Variants in LPIN1 observed in about 807,000 individuals in gnomAD.
The protein encoded by LPIN1 is lipin 1.
A neutral mutation model predicts 107.5 loss-of-function variants in LPIN1; 71 were observed. The ratio of observed to expected loss-of-function variants is 0.66; its 90% CI spans 0.55 to 0.80. The LOEUF (loss-of-function observed/expected upper bound fraction) is 0.80, where lower values mean the gene tolerates loss of function less well. Among genes scored for constraint, LPIN1 ranks in the 30% least tolerant of loss-of-function variants. The probability of loss-of-function intolerance (pLI) is 0.00; values close to 1 mark genes in which losing one functional copy is unlikely to be tolerated. For synonymous variants in LPIN1, 445 were observed against 452.6 expected, an observed-to-expected ratio of 0.98 and a Z score of 0.21; for missense variants, 1,043 against 1,160.6, an observed-to-expected ratio of 0.90 and a Z score of 1.47.
chr2:11,805,587 C>G, intron 17 of LPIN1: 1 of 316,742 alleles, frequency 3.2e-6, no homozygotes, highest in East Asian at 8.0e-5. Context: ...AGCCAACCAG[C>G]AGGGCACATC....
intron 1 of LPIN1, among the ~76,000 whole-genome samples, chr2:11,695,861 A>T (rs1174795453): frequency 6.6e-6 from 1 of 152,084 alleles, no homozygotes; most frequent in Non-Finnish European, 1.5e-5. Context: ...GACCTAGTGC[A>T]GGAGCTCAGT....
intron 2 of LPIN1, among the ~76,000 whole-genome samples, chr2:11,718,792 G>A (rs369187864): frequency 3.9e-5 from 6 of 152,130 alleles, no homozygotes; most frequent in African/African-American, 1.2e-4. Flanking sequence ...TGAGGTAGCC[G>A]TTTTTCATTC....
In LPIN1 at chr2:11,678,418, G is replaced by A. The variant is rs566028306; in HGVS notation, c.81+690G>A. On this transcript the variant is annotated intron_variant, in intron 1 of 21. Coordinates refer to the LPIN1 transcript ENST00000449576. ...CTGCAGTTTCTTCCAGAGGCCAGGGGGTTGGGCTGCAGTGAGGATAATGTG... is the reference window on the plus strand; with the variant it reads ...CTGCAGTTTCTTCCAGAGGCCAGGGAGTTGGGCTGCAGTGAGGATAATGTG... Among the ~76,000 whole-genome samples, 30 of 152,342 alleles carry A rather than the reference G, an allele frequency of 2.0e-4. 1 individual carries two copies. In the South Asian group the frequency reaches 5.8e-3, roughly 29 times the overall value.
chr2:11,791,621 A>G (rs928618270), intron 12 of LPIN1: 2 of 1,248,404 alleles, frequency 1.6e-6, no homozygotes, highest in Non-Finnish European at 2.1e-6. Context: ...ACTAATCACT[A>G]ATGATTTCTA....
chr2:11,739,590 C>T (rs1016517081), intron 1 of LPIN1, among the ~76,000 whole-genome samples: 3 of 152,174 alleles, frequency 2.0e-5, no homozygotes, highest in Non-Finnish European at 4.4e-5. Context: ...TGTTGAACAT[C>T]AAGGCTCAAA....
upstream of LPIN1, chr2:11,724,252 C>G (rs1370018708): frequency 3.9e-5 from 30 of 775,938 alleles, no homozygotes; most frequent in Non-Finnish European, 4.7e-5. Flanking sequence ...CCTCTGAACA[C>G]CACCAAATGC....
At chr2:11,683,913 T>C (rs4233898) in intron 1 of LPIN1, among the ~76,000 whole-genome samples, 2 of 152,226 alleles carry the variant, frequency 1.3e-5, no homozygotes, top group African/African-American at 2.4e-5. Context: ...CCCTGGGCTC[T>C]TCATCTTTAA....
intron 17 of LPIN1, among the ~76,000 whole-genome samples, chr2:11,806,072 G>A (rs1051114645): frequency 1.3e-5 from 2 of 152,196 alleles, no homozygotes; most frequent in Admixed American, 6.5e-5. Flanking sequence ...AGGACAGTGC[G>A]GTCTCTCCGT....
intron 1 of LPIN1, among the ~76,000 whole-genome samples, chr2:11,693,203 A>T (rs1411009311): frequency 6.7e-5 from 9 of 135,226 alleles, no homozygotes; most frequent in Non-Finnish European, 1.1e-4. Context: ...CCTGAACAAC[A>T]TTTTTTTTTT....
In LPIN1 at chr2:11,679,142, G is replaced by A. The variant is rs150293210; in HGVS notation, c.81+1414G>A. Reference sequence around the variant, plus strand: ...CTGAGACGCAGGTGTTATTATCATGGCATCTCTCTCACACAAGCCTGGCAG... The same window carrying A: ...CTGAGACGCAGGTGTTATTATCATGACATCTCTCTCACACAAGCCTGGCAG... On this transcript the variant is annotated intron_variant, in intron 1 of 21. Transcript: ENST00000449576. Among the ~76,000 whole-genome samples the A allele has an allele frequency of 9.1e-4, 138 of 152,292 alleles. 5 individuals are homozygous for A. The East Asian group carries it at 0.021, about 23-fold the overall frequency.
rs774965474 is a variant in LPIN1 at position 11,767,823 on chromosome 2, G to T, written c.253G>T (p.Glu85Ter). Reference protein sequence around the residue: ...DLHMKLGDNGEAFFVQETDND... With the variant: ...DLHMKLGDNG ...GCATATGAAATTGGGAGATAATGGA[G>T]AAGCATTTTTTGTTCAAGAAACAGA... is the stretch of plus-strand genomic sequence containing the variant. The change falls in exon 3 of 21, where the codon GAA becomes TAA. Residue 85 changes from glutamate to a stop codon, truncating the protein, a stop_gained. Transcript: ENST00000674199. LOFTEE classifies it high-confidence loss of function. 1.5e-5 allele frequency: 24 copies of T among 1,613,068 alleles called. No individual in the cohort carries two copies. The highest frequency in any genetic ancestry group is 2.0e-5 in the Non-Finnish European group (23 of 1,179,098).
At chr2:11,704,459 C>T (rs1663030832) in intron 1 of LPIN1, among the ~76,000 whole-genome samples, 1 of 152,150 alleles carries the variant, frequency 6.6e-6, no homozygotes, top group Non-Finnish European at 1.5e-5. Context: ...GGATATGAGG[C>T]TTGGGTAGCA....
intron 11 of LPIN1, among the ~76,000 whole-genome samples, chr2:11,787,582 T>C (rs1674856733): frequency 6.6e-6 from 1 of 152,038 alleles, no homozygotes. Flanking sequence ...TCTTATTGAA[T>C]GTGAATAGTC....
intron 1 of LPIN1, among the ~76,000 whole-genome samples, chr2:11,756,475 GC>G (rs1668707720): frequency 6.6e-6 from 1 of 152,058 alleles, no homozygotes; most frequent in African/African-American, 2.4e-5. Context: ...TGCAACCTCT[GC>G]CTCCTGGGTT....
chr2:11,709,735 T>C lies in LPIN1; in HGVS notation c.82-4021T>C, dbSNP rs773859098. ...AACGTTGGACAACCCATTTGTAAAC[T>C]GGGAGCAGCCCACGACTTTGAGCCT... On this transcript the variant is annotated intron_variant, in intron 1 of 21. Transcript: ENST00000449576. 2.0e-5 allele frequency among the ~76,000 whole-genome samples: 3 copies of C among 152,252 alleles called. No individual in the cohort carries two copies. In the South Asian group the frequency reaches 6.2e-4, roughly 32 times the overall value.
chr2:11,717,078 G>A (rs757274796), intron 2 of LPIN1, among the ~76,000 whole-genome samples: 30 of 152,118 alleles, frequency 2.0e-4, no homozygotes, highest in Admixed American at 3.3e-4. Context: ...ATGTTTTGTC[G>A]GGGGAGGAAG....
In LPIN1 at chr2:11,773,741, C is replaced by T; in HGVS notation, c.718C>T (p.Pro240Ser). Residue 240 changes from proline (P) to serine (S), a missense_variant, in exon 5 of 21, where the codon CCC becomes TCC. By Grantham distance (74) the Pro-to-Ser change is moderately conservative (BLOSUM62 -1). Coordinates refer to ENST00000674199, the MANE Select transcript of LPIN1 (RefSeq NM_001349206.2). ...TTCGGATAGAGAGTGGTCACCCACT[C>T]CCAGGTAAGCTGTTCCCTGTTCCCC... ...PNSDREWSPT[P>S]SSLVDCKRTA... 1 of 1,614,102 alleles carries T rather than the reference C, an allele frequency of 6.2e-7. No individual in the cohort carries two copies. The highest frequency in any genetic ancestry group is 8.5e-7 in the Non-Finnish European group (1 of 1,179,978).
At chr2:11,759,174 T>C (rs1010772982) in intron 1 of LPIN1, among the ~76,000 whole-genome samples, 3 of 146,772 alleles carry the variant, frequency 2.0e-5, no homozygotes, top group Admixed American at 6.7e-5. Context: ...TCTTTCTTTC[T>C]TTCTTTCTTT....
chr2:11,704,767 G>A (rs1004048575), intron 1 of LPIN1, among the ~76,000 whole-genome samples: 7 of 152,170 alleles, frequency 4.6e-5, no homozygotes, highest in African/African-American at 1.7e-4. Context: ...ATCTCCCCGG[G>A]ATCCCCTGCA....
Sources: gnomAD v4.1 joint callset for allele counts (sites outside exome capture counted in the v4.1 genomes callset) on GRCh38, gnomAD v4.1.1 for gene constraint, MANE v1.5 for transcripts, NCBI Gene and HGNC (gene_info 2026-07-23, HGNC 2026-07-21) for gene names.